HS6ST3: variants seen among roughly 807,000 people sequenced by gnomAD.
The protein encoded by HS6ST3 is heparan-sulfate 6-O-sulfotransferase 3.
Under a neutral mutation model 36.7 loss-of-function variants are expected in HS6ST3, and 12 were observed. The ratio of observed to expected loss-of-function variants is 0.33; its 90% CI spans 0.21 to 0.53. The LOEUF (loss-of-function observed/expected upper bound fraction) is 0.53. Among genes scored for constraint, HS6ST3 ranks in the 20% least tolerant of loss-of-function variants. The pLI is 0.95. For synonymous variants in HS6ST3, 240 were observed against 257.5 expected (o/e 0.93, Z 0.65); for missense variants, 584 against 640.9 (o/e 0.91, Z 0.96).
intron 1 of HS6ST3, among the ~76,000 whole-genome samples, chr13:96,787,390 C>A (rs1431597977): frequency 6.6e-6 from 1 of 152,020 alleles, no homozygotes; most frequent in African/African-American, 2.4e-5. Flanking sequence ...TCCCATCCTT[C>A]CCAGCATTTG....
chr13:96,733,688 A>C (rs1206747320), intron 1 of HS6ST3, among the ~76,000 whole-genome samples: 1 of 152,038 alleles, frequency 6.6e-6, no homozygotes, highest in East Asian at 1.9e-4. Flanking sequence ...ATAATAATAA[A>C]CTCTGAGGTT....
intron 1 of HS6ST3, among the ~76,000 whole-genome samples, chr13:96,719,195 AC>A (rs1445642361): frequency 1.3e-5 from 2 of 150,934 alleles, no homozygotes; most frequent in African/African-American, 4.9e-5. Flanking sequence ...AATTGCTTGA[AC>A]CCGGGAGACG....
At chr13:96,577,495 A>C (rs1175744798) in intron 1 of HS6ST3, among the ~76,000 whole-genome samples, 1 of 152,210 alleles carries the variant, frequency 6.6e-6, no homozygotes, top group Non-Finnish European at 1.5e-5. Flanking sequence ...GTGTCTTTAT[A>C]GTAGAATGAT....
chr13:96,093,922 G>T (rs2053777436), intron 1 of HS6ST3, among the ~76,000 whole-genome samples: 1 of 152,096 alleles, frequency 6.6e-6, no homozygotes, highest in South Asian at 2.1e-4. Context: ...TACATAATGG[G>T]AACAAGGTTC....
intron 1 of HS6ST3, among the ~76,000 whole-genome samples, chr13:96,127,619 G>A (rs1257514418): frequency 6.6e-6 from 1 of 152,154 alleles, no homozygotes; most frequent in Non-Finnish European, 1.5e-5. Flanking sequence ...CTGTTATCAG[G>A]CTTTCTTGGT....
At chr13:96,584,712 C>T (rs2056354473) in intron 1 of HS6ST3, among the ~76,000 whole-genome samples, 1 of 152,196 alleles carries the variant, frequency 6.6e-6, no homozygotes, top group African/African-American at 2.4e-5. Context: ...CAGCCTTGAG[C>T]TCCTGGAGAA....
chr13:96,383,714 C>A (rs1349712534), intron 1 of HS6ST3, among the ~76,000 whole-genome samples: 3 of 132,202 alleles, frequency 2.3e-5, no homozygotes, highest in Admixed American at 7.6e-5. Flanking sequence ...GGGACCCCCT[C>A]AAAGTGGGGG....
intron 1 of HS6ST3, among the ~76,000 whole-genome samples, chr13:96,363,579 T>A (rs1372120088): frequency 6.6e-6 from 1 of 152,216 alleles, no homozygotes; most frequent in Admixed American, 6.5e-5. Flanking sequence ...ATTCTTCTTA[T>A]TATTCTCCTA....
chr13:96,227,273 T>G (rs964854523), intron 1 of HS6ST3, among the ~76,000 whole-genome samples: 2 of 152,226 alleles, frequency 1.3e-5, no homozygotes, highest in Non-Finnish European at 1.5e-5. Flanking sequence ...TTGAGAGCCA[T>G]GCTAATCAAT....
intron 1 of HS6ST3, among the ~76,000 whole-genome samples, chr13:96,460,263 C>T (rs931116719): frequency 1.3e-5 from 2 of 152,142 alleles, no homozygotes; most frequent in Non-Finnish European, 2.9e-5. Flanking sequence ...AGTCTAGCTT[C>T]AGACTATAAG....
intron 1 of HS6ST3, among the ~76,000 whole-genome samples, chr13:96,767,989 G>C (rs16953562): frequency 0.038 from 5,740 of 152,176 alleles, 361 homozygotes; most frequent in African/African-American, 0.13. Flanking sequence ...TTATACTTTT[G>C]CTCTCCCATG....
chr13:96,616,081 C>T (rs905471490), intron 1 of HS6ST3, among the ~76,000 whole-genome samples: 3 of 152,106 alleles, frequency 2.0e-5, no homozygotes, highest in Admixed American at 2.0e-4. Context: ...CAACCATCTG[C>T]CTGTGAAATG....
chr13:96,091,201 G>C lies in HS6ST3; in HGVS notation c.339G>C (p.Glu113Asp). The C allele has an allele frequency of 6.4e-7, 1 of 1,560,222 alleles. No individual in the cohort carries two copies. The change falls in exon 1 of 2, where the codon GAG (glutamate) becomes GAC (aspartate). Residue 113 changes from glutamate (E) to aspartate (D), a missense_variant. By Grantham distance (45) the Glu-to-Asp change is conservative. This residue lies in a region of HS6ST3 where 217 missense variants were observed against 205.4 expected (regional missense o/e 1.06). Transcript: ENST00000376705. Reference protein sequence around the residue: ...EEEEEDEPDPEAPENGSLPRF... With the variant: ...EEEEEDEPDPDAPENGSLPRF... ...AGGAGGAAGACGAGCCGGACCCCGA[G>C]GCCCCGGAAAACGGCTCCCTGCCCC... is the stretch of plus-strand genomic sequence containing the variant.
At chr13:96,178,495 T>C (rs7338183) in intron 1 of HS6ST3, among the ~76,000 whole-genome samples, 139,823 of 151,836 alleles carry the variant, frequency 0.92, 64,506 homozygotes, top group African/African-American at 0.93. Flanking sequence ...CTATACACTG[T>C]GCTGGTAAAT....
At chr13:96,409,691 T>C (rs1186930777) in intron 1 of HS6ST3, among the ~76,000 whole-genome samples, 1 of 152,192 alleles carries the variant, frequency 6.6e-6, no homozygotes, top group Non-Finnish European at 1.5e-5. Flanking sequence ...CTCATATGAA[T>C]CATCTCTAAT....
At chr13:96,203,953 A>T (rs1442454383) in intron 1 of HS6ST3, among the ~76,000 whole-genome samples, 1 of 152,208 alleles carries the variant, frequency 6.6e-6, no homozygotes, top group African/African-American at 2.4e-5. Context: ...AAAATATCAC[A>T]TATGATTATA....
chr13:96,204,068 TA>T (rs1879886399), intron 1 of HS6ST3, among the ~76,000 whole-genome samples: 1 of 152,212 alleles, frequency 6.6e-6, no homozygotes, highest in South Asian at 2.1e-4. Flanking sequence ...AAAAGATTAC[TA>T]TTAAAATATT....
At chr13:96,398,559 G>T (rs906859629) in intron 1 of HS6ST3, among the ~76,000 whole-genome samples, 1 of 152,180 alleles carries the variant, frequency 6.6e-6, no homozygotes, top group African/African-American at 2.4e-5. Flanking sequence ...GATTACAGGA[G>T]TGAGCCACCA....
intron 1 of HS6ST3, among the ~76,000 whole-genome samples, chr13:96,186,347 C>T (rs1024470898): frequency 1.3e-5 from 2 of 152,168 alleles, no homozygotes; most frequent in African/African-American, 4.8e-5. Context: ...CTTACCAGGT[C>T]TCCTCTACTG....
Sources: gnomAD v4.1 joint callset for allele counts (sites outside exome capture counted in the v4.1 genomes callset) on GRCh38, gnomAD v4.1.1 for gene constraint, gnomAD v4.1.1 regional missense constraint, MANE v1.5 for transcripts, NCBI Gene and HGNC (gene_info 2026-07-23, HGNC 2026-07-21) for gene names.